MAN2A1: variants seen among roughly 807,000 people sequenced by gnomAD.
The protein encoded by MAN2A1 is mannosidase alpha class 2A member 1.
MAN2A1 carries 76 observed loss-of-function variants against 142.6 expected under a neutral mutation model. That is an observed-to-expected ratio of 0.53 (90% CI 0.44 to 0.65). MAN2A1 has a LOEUF of 0.65. Ranked by LOEUF, MAN2A1 falls within the 30% of genes least tolerant of loss-of-function variation. MAN2A1 has a pLI of 0.00. For missense variants in MAN2A1, 1,311 were observed against 1,365.1 expected, an observed-to-expected ratio of 0.96 and a Z score of 0.62; for synonymous variants, 559 against 473.2, an observed-to-expected ratio of 1.18 and a Z score of -2.35.
intron 12 of MAN2A1, among the ~76,000 whole-genome samples, chr5:109,803,838 A>G (rs1754093925): frequency 6.6e-6 from 1 of 152,092 alleles, no homozygotes; most frequent in South Asian, 2.1e-4. Context: ...GAAGTTGTAT[A>G]AAGTACTGTG....
intron 3 of MAN2A1, among the ~76,000 whole-genome samples, chr5:109,716,791 C>G (rs1751466736): frequency 6.6e-6 from 1 of 152,036 alleles, no homozygotes; most frequent in Admixed American, 6.6e-5. Context: ...CCTCTGAGAC[C>G]AAGTTTTTTC....
intron 1 of MAN2A1, among the ~76,000 whole-genome samples, chr5:109,697,958 C>G (rs1195161086): frequency 6.6e-6 from 1 of 152,144 alleles, no homozygotes; most frequent in South Asian, 2.1e-4. Context: ...GCTAGAGCAT[C>G]GACATGCTTG....
chr5:109,862,065 C>T (rs1224180813), intron 20 of MAN2A1, among the ~76,000 whole-genome samples: 2 of 152,200 alleles, frequency 1.3e-5, no homozygotes, highest in African/African-American at 4.8e-5. Context: ...CAGGATATGG[C>T]ACACAGCAAG....
Position 109,789,507 on chromosome 5 carries a change from A to G in MAN2A1, c.1923A>G (p.Ile641Met). 1 of 1,586,938 alleles carries G rather than the reference A, an allele frequency of 6.3e-7. No homozygotes were observed. The highest frequency in any genetic ancestry group is 8.6e-7 in the Non-Finnish European group (1 of 1,164,532). Reference sequence around the variant, plus strand: ...ATTCTCTGCCACAAAAAAATATAATAAGGCTGAGTGCGGAGCCAAGGTAAA... The same window carrying G: ...ATTCTCTGCCACAAAAAAATATAATGAGGCTGAGTGCGGAGCCAAGGTAAA... ...SQDSLPQKNI[I>M]RLSAEPRYLV... Residue 641 changes from isoleucine to methionine, a missense_variant, in exon 12 of 22, where the codon ATA (isoleucine) becomes ATG (methionine). Physicochemically the swap from Ile to Met is conservative, Grantham distance 10. This residue lies in a region of MAN2A1 where 890 missense variants were observed against 920.5 expected (regional missense o/e 0.97). Transcript: ENST00000261483.
rs146207264 is a variant in MAN2A1 at position 109,807,547 on chromosome 5, G to T, written c.1944-9726G>T. 6.0e-3 allele frequency among the ~76,000 whole-genome samples: 917 copies of T among 152,166 alleles called. 7 individuals carry two copies. Among genetic ancestry groups the T allele is most frequent in the Middle Eastern group, 0.01 (3 of 294 alleles). Reference sequence around the variant, plus strand: ...TCCTTTTCTAGAGATGACCTGCATTGCTTGGCCTGTGGCCCCTTCCTTGTA... The same window carrying T: ...TCCTTTTCTAGAGATGACCTGCATTTCTTGGCCTGTGGCCCCTTCCTTGTA... On this transcript the variant is annotated intron_variant, in intron 12 of 21. Transcript: ENST00000261483.
chr5:109,748,175 A>G (rs952739612), intron 4 of MAN2A1, among the ~76,000 whole-genome samples: 1 of 152,200 alleles, frequency 6.6e-6, no homozygotes, highest in African/African-American at 2.4e-5. Context: ...ATGAAAGTAC[A>G]TATGCATTTT....
intron 16 of MAN2A1, among the ~76,000 whole-genome samples, chr5:109,839,828 A>G (rs1580306226): frequency 1.3e-5 from 2 of 152,238 alleles, no homozygotes; most frequent in Admixed American, 1.3e-4. Flanking sequence ...TAGAGGCTTC[A>G]GCCCATTTAA....
chr5:109,814,432 C>T (rs898919077), intron 12 of MAN2A1, among the ~76,000 whole-genome samples: 1 of 152,092 alleles, frequency 6.6e-6, no homozygotes, highest in Non-Finnish European at 1.5e-5. Context: ...TATGATCATC[C>T]TTTCTCTGTA....
chr5:109,787,376 G>A (rs971718274), intron 10 of MAN2A1, among the ~76,000 whole-genome samples: 11 of 151,812 alleles, frequency 7.2e-5, no homozygotes, highest in African/African-American at 2.2e-4. Flanking sequence ...GATTTTTCCC[G>A]AACCGTATTC....
At chr5:109,782,269 A>G (rs1582891943) in intron 9 of MAN2A1, among the ~76,000 whole-genome samples, 1 of 152,338 alleles carries the variant, frequency 6.6e-6, no homozygotes, top group South Asian at 2.1e-4. Context: ...ATCCAGGAGA[A>G]CTTTCAATCA....
At chr5:109,703,931 G>C (rs186810290) in intron 1 of MAN2A1, among the ~76,000 whole-genome samples, 34 of 152,270 alleles carry the variant, frequency 2.2e-4, no homozygotes, top group African/African-American at 8.2e-4. Context: ...AGGGCCATAT[G>C]GTTCTAATCT....
chr5:109,745,017 T>G (rs1377089521), intron 4 of MAN2A1, among the ~76,000 whole-genome samples: 1 of 152,176 alleles, frequency 6.6e-6, no homozygotes, highest in Non-Finnish European at 1.5e-5. Context: ...AAATATTGTT[T>G]GATTTCCATT....
At chr5:109,834,307 G>A (rs1295303936) in intron 16 of MAN2A1, among the ~76,000 whole-genome samples, 8 of 152,118 alleles carry the variant, frequency 5.3e-5, no homozygotes, top group African/African-American at 9.7e-5. Flanking sequence ...TATTCACCTC[G>A]TAGGGGAGTG....
chr5:109,841,603 C>G (rs1391657731), intron 16 of MAN2A1, among the ~76,000 whole-genome samples: 1 of 152,162 alleles, frequency 6.6e-6, no homozygotes, highest in Non-Finnish European at 1.5e-5. Context: ...ATGACAGAAA[C>G]TAGTAAACAC....
At chr5:109,826,047 A>G (rs1422189828) in intron 16 of MAN2A1, among the ~76,000 whole-genome samples, 1 of 151,242 alleles carries the variant, frequency 6.6e-6, no homozygotes, top group African/African-American at 2.4e-5. Flanking sequence ...CTGGGACTAC[A>G]GGTGTACACC....
chr5:109,855,977 T>TATGG (rs1755596046), intron 20 of MAN2A1, among the ~76,000 whole-genome samples: 1 of 152,184 alleles, frequency 6.6e-6, no homozygotes, highest in African/African-American at 2.4e-5. Flanking sequence ...AGTAAGTGGT[T>TATGG]ATGGATTCTG....
At chr5:109,802,211 C>G (rs1212590525) in intron 12 of MAN2A1, among the ~76,000 whole-genome samples, 1 of 152,084 alleles carries the variant, frequency 6.6e-6, no homozygotes, top group Non-Finnish European at 1.5e-5. Flanking sequence ...ATAAGACAAA[C>G]CCTCAGTGCC....
chr5:109,704,686 G>T (rs1324866262), intron 1 of MAN2A1, among the ~76,000 whole-genome samples: 1 of 152,174 alleles, frequency 6.6e-6, no homozygotes, highest in African/African-American at 2.4e-5. Flanking sequence ...TTTTTCTGTA[G>T]AGATTGAATA....
At chr5:109,793,153 A>T (rs1213834019) in intron 12 of MAN2A1, among the ~76,000 whole-genome samples, 5 of 152,070 alleles carry the variant, frequency 3.3e-5, no homozygotes, top group Non-Finnish European at 4.4e-5. Flanking sequence ...CTCAGTTCAC[A>T]TACCTTTCAT....
Sources: allele counts gnomAD v4.1 joint callset (sites outside exome capture counted in the v4.1 genomes callset), GRCh38; gene constraint gnomAD v4.1.1; regional missense constraint gnomAD v4.1.1; transcripts MANE v1.5; gene names NCBI Gene and HGNC (gene_info 2026-07-23, HGNC 2026-07-21).